RANBP17: variants seen among roughly 807,000 people sequenced by gnomAD.
The protein encoded by RANBP17 is RAN binding protein 17, also known as ran-binding protein 17.
Under a neutral mutation model 141.2 loss-of-function variants are expected in RANBP17, and 158 were observed. The ratio of observed to expected loss-of-function variants is 1.12; its 90% confidence interval spans 0.98 to 1.28. The LOEUF is 1.28. Among genes scored for constraint, RANBP17 ranks in the 50% most tolerant of loss-of-function variants. RANBP17 has a pLI of 0.00. For missense variants in RANBP17, 1,438 were observed against 1,290.7 expected (o/e 1.11, Z -1.75); for synonymous variants, 430 against 450.0 (o/e 0.96, Z 0.56).
chr5:170,975,434 C>G (rs1264698433), intron 14 of RANBP17, among the ~76,000 whole-genome samples: 6 of 152,182 alleles, frequency 3.9e-5, no homozygotes, highest in Admixed American at 3.9e-4. Flanking sequence ...GAGGCTGAGA[C>G]AGAATTGCAT....
At chr5:171,011,628 T>C (rs1780042484) in intron 14 of RANBP17, among the ~76,000 whole-genome samples, 1 of 152,084 alleles carries the variant, frequency 6.6e-6, no homozygotes, top group Admixed American at 6.6e-5. Context: ...ATATGATATA[T>C]AACCTTTTTT....
At chr5:171,262,211 CTTATCTTT>C (rs751150065) in intron 24 of RANBP17, among the ~76,000 whole-genome samples, 16 of 152,150 alleles carry the variant, frequency 1.1e-4, no homozygotes, top group Non-Finnish European at 2.2e-4. Flanking sequence ...CTGCTTCCTG[CTTATCTTT>C]GTAGATGTCG....
intron 14 of RANBP17, among the ~76,000 whole-genome samples, chr5:171,024,034 T>C (rs528602194): frequency 9.2e-5 from 14 of 152,184 alleles, no homozygotes; most frequent in Non-Finnish European, 1.8e-4. Flanking sequence ...AAAATAAATA[T>C]TCATTGAATC....
chr5:171,295,805 G>A, intron 26 of RANBP17, 82 bp from the exon 27 acceptor site: 1 of 1,489,018 alleles, frequency 6.7e-7, no homozygotes, highest in African/African-American at 1.4e-5. Context: ...GAGTAGATGA[G>A]AGCTGCTCTA....
intron 18 of RANBP17, among the ~76,000 whole-genome samples, chr5:171,194,892 A>G (rs1156351374): frequency 6.6e-6 from 1 of 152,232 alleles, no homozygotes; most frequent in Non-Finnish European, 1.5e-5. Context: ...CAAACAAAAT[A>G]TCTGCCAGCC....
At chr5:171,205,826 C>T (rs192561060) in intron 20 of RANBP17, 13 of 649,812 alleles carry the variant, frequency 2.0e-5, no homozygotes, top group East Asian at 2.9e-5. Flanking sequence ...TTTTTGGTGC[C>T]GTTAAATATT....
At chr5:171,088,009 G>A (rs1232189886) in intron 14 of RANBP17, among the ~76,000 whole-genome samples, 1 of 151,528 alleles carries the variant, frequency 6.6e-6, no homozygotes, top group Non-Finnish European at 1.5e-5. Context: ...CTGTCATTAT[G>A]ATGTTAGCTG....
At chr5:170,931,648 C>A (rs577554643) in intron 12 of RANBP17, among the ~76,000 whole-genome samples, 1 of 152,106 alleles carries the variant, frequency 6.6e-6, no homozygotes, top group Non-Finnish European at 1.5e-5. Context: ...TTCCCAGCAC[C>A]GTTTATTAAG....
At chr5:171,262,157 A>G (rs1468084250) in intron 24 of RANBP17, among the ~76,000 whole-genome samples, 1 of 152,200 alleles carries the variant, frequency 6.6e-6, no homozygotes, top group East Asian at 1.9e-4. Flanking sequence ...TAATTTTTAT[A>G]TGATTGATAG....
chr5:171,239,919 C>T (rs1454679324), intron 22 of RANBP17, among the ~76,000 whole-genome samples: 1 of 152,178 alleles, frequency 6.6e-6, no homozygotes, highest in Non-Finnish European at 1.5e-5. Flanking sequence ...AAAGTCATGG[C>T]AGCTACTCCA....
chr5:171,083,972 T>TTA (rs397800153), intron 14 of RANBP17, among the ~76,000 whole-genome samples: 1 of 151,150 alleles, frequency 6.6e-6, no homozygotes, highest in African/African-American at 2.4e-5. Context: ...TTTTTTTTTT[T>TTA]AATTATACTT....
intron 22 of RANBP17, among the ~76,000 whole-genome samples, chr5:171,222,521 A>G (rs72827581): frequency 0.13 from 20,087 of 152,238 alleles, 1,506 homozygotes; most frequent in East Asian, 0.16. Context: ...GGCTCTGTGC[A>G]ATGCACTTCT....
chr5:171,049,723 G>A (rs140329004), intron 14 of RANBP17, among the ~76,000 whole-genome samples: 103 of 152,268 alleles, frequency 6.8e-4, no homozygotes, highest in African/African-American at 2.4e-3. Flanking sequence ...TATTGAATAT[G>A]AAGTTTTTTC....
intron 14 of RANBP17, among the ~76,000 whole-genome samples, chr5:171,076,706 A>G (rs1784946481): frequency 6.6e-6 from 1 of 152,220 alleles, no homozygotes; most frequent in Non-Finnish European, 1.5e-5. Flanking sequence ...GATGCAGATG[A>G]TATCATCTTG....
intron 24 of RANBP17, among the ~76,000 whole-genome samples, chr5:171,244,953 G>A (rs928746876): frequency 5.9e-5 from 9 of 151,888 alleles, no homozygotes; most frequent in East Asian, 5.8e-4. Context: ...GTGAAACCCC[G>A]TCTGTACTAA....
At chr5:171,202,953 G>A (rs1762380983) in intron 19 of RANBP17, among the ~76,000 whole-genome samples, 1 of 152,148 alleles carries the variant, frequency 6.6e-6, no homozygotes, top group Admixed American at 6.5e-5. Flanking sequence ...GGGGGTCAGG[G>A]TGGAAGGAGC....
intron 5 of RANBP17, chr5:170,903,787 A>G (rs1294245642): frequency 2.9e-6 from 1 of 347,162 alleles, no homozygotes; most frequent in Non-Finnish European, 5.8e-6. Context: ...TGTGGCTTTA[A>G]AAAGCAGAAT....
intron 22 of RANBP17, among the ~76,000 whole-genome samples, chr5:171,235,297 G>A (rs1225589701): frequency 6.7e-6 from 1 of 149,982 alleles, no homozygotes; most frequent in Non-Finnish European, 1.5e-5. Flanking sequence ...GGGGAAGTAA[G>A]GCCAAGAGAA....
intron 14 of RANBP17, among the ~76,000 whole-genome samples, chr5:171,139,195 G>A (rs1413006040): frequency 6.6e-6 from 1 of 152,128 alleles, no homozygotes; most frequent in South Asian, 2.1e-4. Context: ...GGCAGCAACT[G>A]TAGCCCCACC....
Sources: allele counts gnomAD v4.1 joint callset (sites outside exome capture counted in the v4.1 genomes callset), GRCh38; gene constraint gnomAD v4.1.1; transcripts MANE v1.5; gene names NCBI Gene and HGNC (gene_info 2026-07-23, HGNC 2026-07-21).